Variants in HDAC9 observed in about 807,000 individuals in gnomAD.
HDAC9 encodes histone deacetylase 9, also known as MEF-2 interacting transcription repressor (MITR) protein.
A neutral mutation model predicts 139.4 loss-of-function variants in HDAC9; 41 were observed. The ratio of observed to expected loss-of-function variants is 0.29; its 90% CI spans 0.23 to 0.38. The LOEUF is 0.38. Ranked by LOEUF, HDAC9 falls within the 10% of genes least tolerant of loss-of-function variation. HDAC9 has a pLI of 1.00. For synonymous variants in HDAC9, 517 were observed against 476.2 expected (o/e 1.09, Z -1.12); for missense variants, 1,147 against 1,297.0 (o/e 0.88, Z 1.78).
chr7:18,963,837 C>T (rs1035712102), intron 24 of HDAC9, among the ~76,000 whole-genome samples: 1 of 152,158 alleles, frequency 6.6e-6, no homozygotes, highest in Non-Finnish European at 1.5e-5. Flanking sequence ...ACTTGCACAC[C>T]TAAGGCACTG....
At chr7:18,636,153 T>G (rs765821590) in intron 8 of HDAC9, among the ~76,000 whole-genome samples, 8 of 152,032 alleles carry the variant, frequency 5.3e-5, no homozygotes, top group Non-Finnish European at 1.0e-4. Flanking sequence ...ACTCAAGAGA[T>G]AGAAGATAAA....
chr7:18,528,795 T>C (rs764604672), intron 2 of HDAC9, among the ~76,000 whole-genome samples: 1 of 152,172 alleles, frequency 6.6e-6, no homozygotes, highest in Non-Finnish European at 1.5e-5. Context: ...TTTCAACATA[T>C]GAAGTATTAT....
At chr7:18,905,497 A>G (rs187292179) in intron 22 of HDAC9, among the ~76,000 whole-genome samples, 9 of 152,350 alleles carry the variant, frequency 5.9e-5, no homozygotes, top group Admixed American at 3.3e-4. Flanking sequence ...TGAATGTTGT[A>G]GCTCTGTGTG....
intron 2 of HDAC9, among the ~76,000 whole-genome samples, chr7:18,525,967 T>C (rs1010911050): frequency 6.6e-6 from 1 of 152,218 alleles, no homozygotes; most frequent in Non-Finnish European, 1.5e-5. Context: ...AAAGACATAA[T>C]GTCTTGTGGC....
intron 1 of HDAC9, among the ~76,000 whole-genome samples, chr7:18,294,863 T>C (rs1798041360): frequency 6.6e-6 from 1 of 152,098 alleles, no homozygotes; most frequent in African/African-American, 2.4e-5. Context: ...GTCAGGGGTG[T>C]AGGGGCAGTG....
chr7:18,327,088 T>C (rs565658419), intron 1 of HDAC9, among the ~76,000 whole-genome samples: 1 of 151,962 alleles, frequency 6.6e-6, no homozygotes, highest in South Asian at 2.1e-4. Flanking sequence ...AATGAATACT[T>C]ACATTGATTT....
At chr7:18,225,573 A>G (rs1011340467) in intron 2 of HDAC9, among the ~76,000 whole-genome samples, 2 of 152,178 alleles carry the variant, frequency 1.3e-5, no homozygotes, top group Non-Finnish European at 2.9e-5. Flanking sequence ...ATCTTACAAG[A>G]AAGTTTAATT....
intron 1 of HDAC9, among the ~76,000 whole-genome samples, chr7:18,148,899 T>C (rs1330729024): frequency 1.3e-5 from 2 of 152,212 alleles, no homozygotes; most frequent in Non-Finnish European, 1.5e-5. Context: ...TATGAGGTAA[T>C]ATAATCAAAG....
intron 22 of HDAC9, among the ~76,000 whole-genome samples, chr7:18,932,880 G>GAAAA (rs1554405266): frequency 4.6e-5 from 7 of 151,704 alleles, no homozygotes; most frequent in East Asian, 3.9e-4. Flanking sequence ...AAGAAAGAAA[G>GAAAA]GATGTCCTGA....
intron 2 of HDAC9, among the ~76,000 whole-genome samples, chr7:18,198,092 C>A (rs1790849627): frequency 6.6e-6 from 1 of 152,050 alleles, no homozygotes; most frequent in Admixed American, 6.6e-5. Flanking sequence ...TAAAGCAAAT[C>A]ATCTTTTATA....
At chr7:18,759,878 T>A (rs184777529) in intron 14 of HDAC9, among the ~76,000 whole-genome samples, 5 of 152,310 alleles carry the variant, frequency 3.3e-5, no homozygotes, top group African/African-American at 1.2e-4. Context: ...CAAATTTACA[T>A]GACTAGTGTA....
chr7:18,537,353 A>G (rs971184404), intron 2 of HDAC9, among the ~76,000 whole-genome samples: 1 of 152,186 alleles, frequency 6.6e-6, no homozygotes, highest in Admixed American at 6.5e-5. Flanking sequence ...AAAAGGAATA[A>G]GAGAGAGGAG....
intron 1 of HDAC9, among the ~76,000 whole-genome samples, chr7:18,478,246 T>A (rs1232251565): frequency 1.3e-5 from 2 of 152,096 alleles, no homozygotes; most frequent in African/African-American, 4.8e-5. Flanking sequence ...TAATATTTTG[T>A]ATTTTTAGTA....
intron 1 of HDAC9, among the ~76,000 whole-genome samples, chr7:18,459,866 C>G (rs1007949971): frequency 6.6e-6 from 1 of 151,536 alleles, no homozygotes; most frequent in African/African-American, 2.4e-5. Context: ...TTTCTTATAT[C>G]AAGTATTTCA....
chr7:18,720,529 T>C (rs1785061506), intron 12 of HDAC9, among the ~76,000 whole-genome samples: 1 of 151,872 alleles, frequency 6.6e-6, no homozygotes, highest in Admixed American at 6.6e-5. Context: ...ATTACTGTGT[T>C]CATTTATCTA....
At chr7:18,232,462 C>G (rs566205002) in intron 2 of HDAC9, among the ~76,000 whole-genome samples, 1 of 152,104 alleles carries the variant, frequency 6.6e-6, no homozygotes, top group Non-Finnish European at 1.5e-5. Flanking sequence ...TCTGTAAAAC[C>G]TTTACCTGTC....
intron 12 of HDAC9, among the ~76,000 whole-genome samples, chr7:18,689,801 G>T (rs1374845878): frequency 6.6e-6 from 1 of 151,900 alleles, no homozygotes; most frequent in Non-Finnish European, 1.5e-5. Context: ...GCTATGGTTG[G>T]CTTAAAATAA....
At chr7:18,644,222 T>C (rs1786629698) in intron 8 of HDAC9, among the ~76,000 whole-genome samples, 1 of 152,148 alleles carries the variant, frequency 6.6e-6, no homozygotes, top group African/African-American at 2.4e-5. Flanking sequence ...ATATTTAATC[T>C]AAGATTTTTC....
intron 2 of HDAC9, among the ~76,000 whole-genome samples, chr7:18,575,300 A>G (rs1825659723): frequency 6.6e-6 from 1 of 152,186 alleles, no homozygotes; most frequent in African/African-American, 2.4e-5. Context: ...TACCTTTTAT[A>G]TTTACATTTA....
Sources: allele counts gnomAD v4.1 joint callset (sites outside exome capture counted in the v4.1 genomes callset), GRCh38; gene constraint gnomAD v4.1.1; transcripts MANE v1.5; gene names NCBI Gene and HGNC (gene_info 2026-07-23, HGNC 2026-07-21).